The following FANCA variants were observed in gnomAD, a reference collection of about 807,000 sequenced individuals.
FANCA encodes the protein Fanconi anemia group A protein.
FANCA carries 236 observed loss-of-function variants against 194.3 expected under a neutral mutation model. The ratio of observed to expected loss-of-function variants is 1.21; its 90% CI spans 1.09 to 1.35. The LOEUF is 1.35. FANCA is among the 40% of genes most tolerant of loss of function. FANCA has a pLI of 0.00. For synonymous variants in FANCA, 1,014 were observed against 715.8 expected (o/e 1.42, Z -6.65); for missense variants, 2,628 against 1,813.9 (o/e 1.45, Z -8.15).
rs748517164 is a variant in FANCA at position 89,808,308 on chromosome 16, T to C, written c.582A>G (p.Gln194=). ...HLHVQGIVSL[Q]ELLESHPDMH... is the part of the protein sequence containing the mutation. The stretch of plus-strand genomic sequence containing the variant: ...TAGCACGCTACCTTTCCAGCAGCTC[T>C]TGCAGGCTCACAATGCCTTGTACGT... Residue 194 remains glutamine, a synonymous_variant, in exon 6 of 43, where the codon CAA becomes CAG. Transcript: ENST00000389301. 1.2e-5 allele frequency: 20 copies of C among 1,614,034 alleles called. No homozygotes were observed. The highest frequency in any genetic ancestry group is 6.6e-5 in the South Asian group (6 of 91,080).
rs1567607230 is a variant in FANCA at position 89,754,236 on chromosome 16, AAAAC to A, written c.2982-2018_2982-2015del. On this transcript the variant is annotated intron_variant, in intron 30 of 42. Transcript: ENST00000389301. ...GACTCCGTCTCAGAAAAAAAAAAAC[AAAAC>A]AAAACAACAACAAAAAAAACAACAC... Among the ~76,000 whole-genome samples the A allele has an allele frequency of 2.7e-3, 287 of 105,316 alleles. 1 individual carries two copies. The highest frequency in any genetic ancestry group is 0.011 in the African/African-American group (273 of 24,112). The allele number at this position is 105,316 out of a possible 152,430, so 69.1% of individuals were successfully genotyped here. A position where few individuals can be genotyped will look rare whatever the true frequency, so the allele number is the denominator to read the frequency against.
intron 26 of FANCA, among the ~76,000 whole-genome samples, chr16:89,768,175 G>A (rs1382262040): frequency 6.6e-6 from 1 of 152,090 alleles, no homozygotes; most frequent in East Asian, 1.9e-4. Flanking sequence ...GCTACTGGGA[G>A]GCTGAGGTGG....
At chr16:89,802,266 ATTT>A (rs71391244) in intron 8 of FANCA, among the ~76,000 whole-genome samples, 1 of 136,186 alleles carries the variant, frequency 7.3e-6, no homozygotes, top group African/African-American at 2.7e-5. Context: ...ACGCCCGGCT[ATTT>A]TTTTTTTTTT....
intron 21 of FANCA, among the ~76,000 whole-genome samples, chr16:89,775,024 G>A (rs1158952434): frequency 6.6e-6 from 1 of 151,750 alleles, no homozygotes; most frequent in Non-Finnish European, 1.5e-5. Context: ...AACCCAGGGG[G>A]CAGAGGTTTC....
At chr16:89,784,421 TA>T (rs59766959) in intron 15 of FANCA, among the ~76,000 whole-genome samples, 1,413 of 118,264 alleles carry the variant, frequency 0.012, 24 homozygotes, top group African/African-American at 0.032. Flanking sequence ...CACATGAAAT[TA>T]AAAAAAAAAA....
intron 7 of FANCA, 54 bp downstream of exon 7, chr16:89,805,225 TA>T: frequency 7.3e-7 from 1 of 1,375,672 alleles, no homozygotes; most frequent in African/African-American, 1.4e-5. Flanking sequence ...CAGAAGGCAT[TA>T]TCACAGATCA....
intron 35 of FANCA, among the ~76,000 whole-genome samples, chr16:89,745,409 C>T (rs997521222): frequency 2.7e-5 from 4 of 150,900 alleles, no homozygotes; most frequent in African/African-American, 9.8e-5. Context: ...AGGGACCACA[C>T]TCCTCTGAGC....
chr16:89,745,525 G>A (rs5000711), intron 35 of FANCA, among the ~76,000 whole-genome samples: 2 of 75,560 alleles, frequency 2.6e-5, no homozygotes, highest in Non-Finnish European at 4.7e-5. Context: ...GGACCACACT[G>A]CCCTGAGCTG....
At chr16:89,745,313 G>C (rs111861123) in intron 35 of FANCA, among the ~76,000 whole-genome samples, 164 of 151,846 alleles carry the variant, frequency 1.1e-3, no homozygotes, top group African/African-American at 3.6e-3. Context: ...CTGGCCTAAC[G>C]CAACAGTGAA....
At chr16:89,784,714 A>C in intron 15 of FANCA, 140 bp downstream of exon 15, 3 of 638,548 alleles carry the variant, frequency 4.7e-6, no homozygotes, top group Non-Finnish European at 5.9e-6. Flanking sequence ...GGCTTGGGGA[A>C]GGGGAAGGGG....
Position 89,816,523 on chromosome 16 carries a change from C to T in FANCA, c.79+14G>A, listed in dbSNP as rs2143730589. The T allele has an allele frequency of 1.3e-6, 2 of 1,484,710 alleles. No individual in the cohort carries two copies. The highest frequency in any genetic ancestry group is 8.9e-7 in the Non-Finnish European group (1 of 1,124,238). The allele number at this position is 1,484,710 out of a possible 1,614,324, so 92.0% of individuals were successfully genotyped here. ...GGACGCCGCCCACTCCCGCGGCCTGCCGCGCCCACCTACCCAGCAGCTCGG... is the reference window on the plus strand; with the variant it reads ...GGACGCCGCCCACTCCCGCGGCCTGTCGCGCCCACCTACCCAGCAGCTCGG... On this transcript the variant is annotated intron_variant, in intron 1 of 42. Transcript: ENST00000389301.
At chr16:89,791,857 G>A (rs1186669475) in intron 13 of FANCA, 70 bp downstream of exon 13, 18 of 1,595,514 alleles carry the variant, frequency 1.1e-5, no homozygotes, top group Non-Finnish European at 1.5e-5. Flanking sequence ...CCCACAGTCA[G>A]CTGGGACTCT....
In FANCA at chr16:89,738,411, A is replaced by C; in HGVS notation, c.*190T>G. 1 of 1,371,936 alleles carries C rather than the reference A, an allele frequency of 7.3e-7. No homozygotes were observed. Among genetic ancestry groups the C allele is most frequent in the Non-Finnish European group, 9.9e-7 (1 of 1,012,640 alleles). The allele number at this position is 1,371,936 out of a possible 1,614,324, so 85.0% of individuals were successfully genotyped here. On this transcript the variant is annotated 3_prime_UTR_variant, in exon 43 of 43. Transcript: ENST00000389301. ...TCAAGTAGCCTTCCTCTGCTCTGGG[A>C]CCAGTGGTTTATTTTCCCGCAAACG...
At chr16:89,812,182 A>G (rs2040910754) in intron 3 of FANCA, among the ~76,000 whole-genome samples, 1 of 151,368 alleles carries the variant, frequency 6.6e-6, no homozygotes, top group Non-Finnish European at 1.5e-5. Context: ...AAAGACACAA[A>G]AACAAAATTA....
rs564015194 is a variant in FANCA, at chr16:89,800,716, GACCA to G, written c.793-1082_793-1079del. ...TGAGGTTGATATAAACATACACACAGACCAACGGAACAGGATAGAGAACCCAGAA... is the reference window on the plus strand; with the variant it reads ...TGAGGTTGATATAAACATACACACAGACGGAACAGGATAGAGAACCCAGAA... On this transcript the variant is annotated intron_variant, in intron 8 of 42. Transcript: ENST00000389301. Among the ~76,000 whole-genome samples, 448 of 152,230 alleles carry G rather than the reference GACCA, an allele frequency of 2.9e-3. 5 individuals carry two copies. The highest frequency in any genetic ancestry group is 0.01 in the African/African-American group (427 of 41,546).
rs886950 is a variant in FANCA, at chr16:89,770,464, T to C, written c.2222+100A>G. The C allele has an allele frequency of 0.47, 560,645 of 1,203,704 alleles. 141,680 individuals are homozygous for C. The highest frequency in any genetic ancestry group is 0.98 in the East Asian group (38,590 of 39,370). The allele number at this position is 1,203,704 out of a possible 1,614,324, so 74.6% of individuals were successfully genotyped here. On this transcript the variant is annotated intron_variant, in intron 24 of 42. Coordinates refer to ENST00000389301, the MANE Select transcript of FANCA (RefSeq NM_000135.4). ...GAAACTCAGCATCGCCGCATGCTCCTGCGGAGACGAGCTCATGAGTCCCTG... is the reference window on the plus strand; with the variant it reads ...GAAACTCAGCATCGCCGCATGCTCCCGCGGAGACGAGCTCATGAGTCCCTG...
At chr16:89,802,450 G>A (rs1359415335) in intron 8 of FANCA, among the ~76,000 whole-genome samples, 3 of 151,566 alleles carry the variant, frequency 2.0e-5, no homozygotes, top group African/African-American at 4.9e-5. Context: ...CGCCTAGGCT[G>A]GAATACAGTG....
At chr16:89,746,387 C>T (rs959317478) in intron 35 of FANCA, among the ~76,000 whole-genome samples, 197 bp downstream of exon 35, 5 of 152,150 alleles carry the variant, frequency 3.3e-5, no homozygotes, top group Admixed American at 6.5e-5. Flanking sequence ...GGGGCAGGGA[C>T]GGTTCTGGGA....
intron 35 of FANCA, among the ~76,000 whole-genome samples, chr16:89,745,735 C>G (rs1022282297): frequency 7.6e-6 from 1 of 132,380 alleles, no homozygotes; most frequent in Non-Finnish European, 1.6e-5. Context: ...GGGAACAAAA[C>G]AGTGAAGGGA....
Sources: allele counts gnomAD v4.1 joint callset (sites outside exome capture counted in the v4.1 genomes callset), GRCh38; gene constraint gnomAD v4.1.1; transcripts MANE v1.5; gene names NCBI Gene and HGNC (gene_info 2026-07-23, HGNC 2026-07-21).